GALNT14: variants seen among roughly 807,000 people sequenced by gnomAD.
GALNT14 encodes UDP-GalNAc:polypeptide N-acetylgalactosaminyltransferase 14.
Under a neutral mutation model 77.5 loss-of-function variants are expected in GALNT14, and 60 were observed. The ratio of observed to expected loss-of-function variants is 0.77; its 90% CI spans 0.63 to 0.96. The LOEUF (loss-of-function observed/expected upper bound fraction) is 0.96. GALNT14 is among the 40% of genes least tolerant of loss of function. GALNT14 has a pLI of 0.00. For synonymous variants in GALNT14, 280 were observed against 281.7 expected (o/e 0.99, Z 0.06); for missense variants, 710 against 731.0 (o/e 0.97, Z 0.33).
intron 4 of GALNT14, among the ~76,000 whole-genome samples, chr2:30,956,459 A>G (rs1463862126): frequency 6.6e-6 from 1 of 152,220 alleles, no homozygotes; most frequent in Non-Finnish European, 1.5e-5. Context: ...AGAATGGAGT[A>G]TCCATCCCCT....
intron 2 of GALNT14, among the ~76,000 whole-genome samples, chr2:30,968,463 C>A (rs1668141800): frequency 6.6e-6 from 1 of 152,212 alleles, no homozygotes; most frequent in Non-Finnish European, 1.5e-5. Context: ...CTGCCTTGGC[C>A]ACTTGGAGGG....
intron 1 of GALNT14, among the ~76,000 whole-genome samples, chr2:31,136,541 C>G (rs1679235831): frequency 6.6e-6 from 1 of 152,212 alleles, no homozygotes; most frequent in African/African-American, 2.4e-5. Flanking sequence ...CCTCTCCCCC[C>G]AGAGAGTAAA....
chr2:30,981,330 G>A (rs1668976156), intron 2 of GALNT14, among the ~76,000 whole-genome samples: 1 of 152,318 alleles, frequency 6.6e-6, no homozygotes, highest in African/African-American at 2.4e-5. Flanking sequence ...ATTCTAGACT[G>A]AAAAATGTGG....
intron 11 of GALNT14, among the ~76,000 whole-genome samples, chr2:30,928,592 T>TTTTA (rs1027747594): frequency 6.3e-4 from 96 of 152,146 alleles, no homozygotes; most frequent in African/African-American, 2.1e-3. Context: ...GGTATCTAGC[T>TTTTA]TTTATTTATT....
chr2:30,981,433 C>T (rs1333777548), intron 2 of GALNT14, among the ~76,000 whole-genome samples: 4 of 152,290 alleles, frequency 2.6e-5, no homozygotes, highest in Admixed American at 6.5e-5. Context: ...TTAATAGGTC[C>T]GGGGCTTTCA....
intron 12 of GALNT14, among the ~76,000 whole-genome samples, 157 bp downstream of exon 12, chr2:30,924,583 G>C (rs750111680): frequency 6.6e-6 from 1 of 152,160 alleles, no homozygotes; most frequent in African/African-American, 2.4e-5. Flanking sequence ...AGGTCCCTCC[G>C]GGTTTTAGGG....
At chr2:31,038,071 T>TAC (rs2148493080) in intron 1 of GALNT14, among the ~76,000 whole-genome samples, 1 of 83,432 alleles carries the variant, frequency 1.2e-5, no homozygotes, top group African/African-American at 5.8e-5. Context: ...TTGCCATATA[T>TAC]ATATATATAT....
chr2:30,936,773 T>C (rs1666082979), intron 9 of GALNT14, among the ~76,000 whole-genome samples: 1 of 152,194 alleles, frequency 6.6e-6, no homozygotes, highest in Non-Finnish European at 1.5e-5. Flanking sequence ...CACCCACAGC[T>C]GGGACAATCA....
At chr2:31,095,937 T>G (rs1037474027) in intron 1 of GALNT14, among the ~76,000 whole-genome samples, 2 of 152,142 alleles carry the variant, frequency 1.3e-5, no homozygotes, top group Non-Finnish European at 2.9e-5. Flanking sequence ...AATATGGGCC[T>G]CCCTGAGCTA....
At chr2:31,127,786 T>C (rs1678771260) in intron 1 of GALNT14, among the ~76,000 whole-genome samples, 1 of 152,234 alleles carries the variant, frequency 6.6e-6, no homozygotes, top group Non-Finnish European at 1.5e-5. Flanking sequence ...ATTTCAGTTT[T>C]AAGACAGGCA....
At chr2:30,956,020 G>C in intron 4 of GALNT14, 43 bp from the exon 5 acceptor site, 1 of 1,597,954 alleles carries the variant, frequency 6.3e-7, no homozygotes, top group South Asian at 1.1e-5. Context: ...CCCAGGGATG[G>C]ACCTACGTGT....
At chr2:30,958,708 C>A (rs1260354159) in intron 3 of GALNT14, among the ~76,000 whole-genome samples, 1 of 152,116 alleles carries the variant, frequency 6.6e-6, no homozygotes, top group East Asian at 1.9e-4. Flanking sequence ...ACCTCGGCAA[C>A]CCTCCTACTC....
At chr2:31,064,268 C>A (rs537873358) in intron 1 of GALNT14, among the ~76,000 whole-genome samples, 1 of 152,346 alleles carries the variant, frequency 6.6e-6, no homozygotes, top group East Asian at 1.9e-4. Flanking sequence ...TCTCTGCCCA[C>A]GCAGCTGTCA....
At chr2:31,040,778 G>A (rs1232268263) in intron 1 of GALNT14, among the ~76,000 whole-genome samples, 1 of 152,148 alleles carries the variant, frequency 6.6e-6, no homozygotes, top group Non-Finnish European at 1.5e-5. Flanking sequence ...TGGAAGCTTG[G>A]CACTGACTAA....
At chr2:30,925,647 T>C (rs1194111860) in intron 11 of GALNT14, among the ~76,000 whole-genome samples, 1 of 152,096 alleles carries the variant, frequency 6.6e-6, no homozygotes, top group Non-Finnish European at 1.5e-5. Flanking sequence ...TAGATGTGTA[T>C]GTGAATGTAT....
intron 1 of GALNT14, among the ~76,000 whole-genome samples, chr2:31,108,403 A>C (rs1324027279): frequency 6.6e-6 from 1 of 152,242 alleles, no homozygotes; most frequent in African/African-American, 2.4e-5. Flanking sequence ...GAGGCTGGAC[A>C]CGTCACCCGC....
intron 1 of GALNT14, among the ~76,000 whole-genome samples, chr2:31,113,961 G>A (rs775381504): frequency 4.6e-5 from 7 of 152,234 alleles, no homozygotes; most frequent in Non-Finnish European, 8.8e-5. Context: ...TATGCCTGCA[G>A]CTGCAGAACA....
intron 11 of GALNT14, among the ~76,000 whole-genome samples, chr2:30,925,742 T>C (rs1665331429): frequency 6.6e-6 from 1 of 152,072 alleles, no homozygotes; most frequent in Non-Finnish European, 1.5e-5. Context: ...GCCAAGGAGT[T>C]TGGACTTGTT....
intron 1 of GALNT14, among the ~76,000 whole-genome samples, chr2:31,087,985 G>C (rs1573329641): frequency 1.3e-5 from 2 of 152,348 alleles, no homozygotes; most frequent in South Asian, 4.1e-4. Flanking sequence ...AGCGGTCTAT[G>C]AACCAGAGAG....
Sources: gnomAD v4.1 joint callset for allele counts (sites outside exome capture counted in the v4.1 genomes callset) on GRCh38, gnomAD v4.1.1 for gene constraint, MANE v1.5 for transcripts, NCBI Gene and HGNC (gene_info 2026-07-23, HGNC 2026-07-21) for gene names.